The following PCDHA1 variants were observed in gnomAD, a reference collection of about 807,000 sequenced individuals.
PCDHA1 encodes protocadherin alpha-1.
A neutral mutation model predicts 61.3 loss-of-function variants in PCDHA1; 42 were observed. The observed-to-expected ratio is 0.69, with a 90% confidence interval of 0.54 to 0.89. The LOEUF (loss-of-function observed/expected upper bound fraction) is 0.89. Among genes scored for constraint, PCDHA1 ranks in the 40% least tolerant of loss-of-function variants. The pLI is 0.00. For synonymous variants in PCDHA1, 610 were observed against 553.8 expected (o/e 1.10, Z -1.43); for missense variants, 1,256 against 1,235.3 (o/e 1.02, Z -0.25).
chr5:140,882,656 C>G, intron 1 of PCDHA1: 2 of 1,614,192 alleles, frequency 1.2e-6, no homozygotes, highest in Middle Eastern at 1.6e-4. Flanking sequence ...TAACGACAAC[C>G]CGCCCATATT....
chr5:140,984,550 A>C (rs1486017679), intron 3 of PCDHA1, among the ~76,000 whole-genome samples: 1 of 152,134 alleles, frequency 6.6e-6, no homozygotes, highest in Non-Finnish European at 1.5e-5. Flanking sequence ...GATAGAGCTT[A>C]CATCTTCCAA....
intron 1 of PCDHA1, chr5:140,884,155 C>A (rs781815602): frequency 1.2e-6 from 2 of 1,613,430 alleles, no homozygotes; most frequent in Non-Finnish European, 1.7e-6. Flanking sequence ...TGTACACTGG[C>A]GAGATCAGCA....
intron 1 of PCDHA1, among the ~76,000 whole-genome samples, chr5:140,941,621 G>A (rs552509224): frequency 6.6e-6 from 1 of 151,808 alleles, no homozygotes; most frequent in South Asian, 2.1e-4. Context: ...AGCCCATCCT[G>A]CTTCTTAATT....
intron 1 of PCDHA1, chr5:140,929,684 A>C: frequency 3.4e-6 from 1 of 294,182 alleles, no homozygotes; most frequent in Non-Finnish European, 6.5e-6. Flanking sequence ...AATATGTAAG[A>C]GTCTGCTTTA....
chr5:140,810,168 T>A (rs964600024), intron 1 of PCDHA1: 1 of 152,318 alleles, frequency 6.6e-6, no homozygotes, highest in South Asian at 2.1e-4. Flanking sequence ...TGTTGTTATA[T>A]GTAGTTGTAG....
In PCDHA1 at chr5:141,011,249, G is replaced by A. The variant is rs1159894108; in HGVS notation, c.*1312G>A. The A allele has an allele frequency of 6.5e-6, 1 of 153,682 alleles. No homozygotes were observed. The highest frequency in any genetic ancestry group is 1.5e-5 in the Non-Finnish European group (1 of 68,038). The allele number at this position is 153,682 out of a possible 1,614,324, so 9.5% of individuals were successfully genotyped here. On this transcript the variant is annotated 3_prime_UTR_variant, in exon 4 of 4. Coordinates refer to ENST00000504120, the MANE Select transcript of PCDHA1 (RefSeq NM_018900.4). ...TACTAATTCTGTGACTTGTCTTGGT[G>A]TGCTAGCCTACACCTTCTCTTTGGT... is the stretch of plus-strand genomic sequence containing the variant.
Position 140,792,001 on chromosome 5 carries a change from C to G in PCDHA1, c.2394+3317C>G, listed in dbSNP as rs138843090. Among the ~76,000 whole-genome samples, 6 of 152,264 alleles carry G rather than the reference C, an allele frequency of 3.9e-5. No individual in the cohort carries two copies. In the East Asian group the frequency reaches 1.2e-3, roughly 29 times the overall value. On this transcript the variant is annotated intron_variant, in intron 1 of 3. Transcript: ENST00000504120. ...GGCTGATGCAACAAATTACCACAGA[C>G]TTGGTGGCTTGAAATAACAGAAATT...
chr5:140,873,706 G>T (rs1419666886), intron 1 of PCDHA1, among the ~76,000 whole-genome samples: 1 of 152,132 alleles, frequency 6.6e-6, no homozygotes, highest in Non-Finnish European at 1.5e-5. Context: ...TATCACCCAG[G>T]CTGGTGTGCA....
At chr5:140,862,490 G>A (rs1554156448) in intron 1 of PCDHA1, 5 of 385,338 alleles carry the variant, frequency 1.3e-5, no homozygotes, top group Non-Finnish European at 2.1e-5. Context: ...GTTGGTAATC[G>A]CTCGGAATGG....
chr5:140,980,030 C>T (rs552658283), intron 2 of PCDHA1, among the ~76,000 whole-genome samples: 29 of 152,292 alleles, frequency 1.9e-4, no homozygotes, highest in Admixed American at 4.6e-4. Flanking sequence ...GAAATCATTA[C>T]ATTGGGTGCT....
chr5:140,857,812 C>T lies in PCDHA1; in HGVS notation c.2394+69128C>T. ...TGCTGCGGTCGGTGGTTGCGGGTCACGTGGTGGCTAAGGTGCGCGCAGTGG... is the reference window on the plus strand; with the variant it reads ...TGCTGCGGTCGGTGGTTGCGGGTCATGTGGTGGCTAAGGTGCGCGCAGTGG... On this transcript the variant is annotated intron_variant, in intron 1 of 3. Transcript: ENST00000504120. 3.1e-6 allele frequency: 5 copies of T among 1,597,698 alleles called. 1 individual carries two copies. The highest frequency in any genetic ancestry group is 2.2e-5 in the East Asian group (1 of 44,814).
In PCDHA1 at chr5:140,910,096, C is replaced by G. The variant is rs1583731198; in HGVS notation, c.2395-68853C>G. On this transcript the variant is annotated intron_variant, in intron 1 of 3. Coordinates refer to ENST00000504120, the MANE Select transcript of PCDHA1 (RefSeq NM_018900.4). ...ATTGTTGTCAAGGGGAACCAGCCTCCCCTTCATTTAAGGGATTCTAGGTCT... is the reference window on the plus strand; with the variant it reads ...ATTGTTGTCAAGGGGAACCAGCCTCGCCTTCATTTAAGGGATTCTAGGTCT... Among the ~76,000 whole-genome samples the G allele has an allele frequency of 2.6e-5, 4 of 152,262 alleles. No individual in the cohort carries two copies. The East Asian group carries it at 7.7e-4, about 29-fold the overall frequency.
chr5:140,887,140 A>T (rs1414836088), intron 1 of PCDHA1, among the ~76,000 whole-genome samples: 3 of 150,560 alleles, frequency 2.0e-5, no homozygotes, highest in Non-Finnish European at 4.4e-5. Context: ...TCTGTCGCCC[A>T]GGCTGGAGTA....
intron 1 of PCDHA1, chr5:140,843,377 G>C (rs375387773): frequency 1.3e-6 from 2 of 1,596,146 alleles, no homozygotes; most frequent in Non-Finnish European, 1.7e-6. Flanking sequence ...GTCGGCTGGC[G>C]TTTTGGGTCC....
chr5:140,899,721 T>C (rs1415074846), intron 1 of PCDHA1, among the ~76,000 whole-genome samples: 1 of 152,250 alleles, frequency 6.6e-6, no homozygotes, highest in Non-Finnish European at 1.5e-5. Flanking sequence ...GATTCCCTCT[T>C]TTTCTATTGA....
At chr5:140,846,453 C>G (rs1465090766) in intron 1 of PCDHA1, among the ~76,000 whole-genome samples, 2 of 138,248 alleles carry the variant, frequency 1.4e-5, no homozygotes, top group Non-Finnish European at 3.1e-5. Flanking sequence ...CGGCTCACTG[C>G]AACCTCTGCC....
rs2150129510 is a variant in PCDHA1 at position 140,823,826 on chromosome 5, G to A, written c.2394+35142G>A. On this transcript the variant is annotated intron_variant, in intron 1 of 3. Transcript: ENST00000504120. ...AAGGCCTCATCGCGGGCGTCGGCGG[G>A]CGCTGTGGGTCCCGAGGCTGCCCTG... 66 of 1,613,702 alleles carry A rather than the reference G, an allele frequency of 4.1e-5. No individual in the cohort carries two copies. The highest frequency in any genetic ancestry group is 5.4e-5 in the Non-Finnish European group (64 of 1,179,920).
At position 140,979,365 on chromosome 5, in the gene PCDHA1, C is replaced by T. The variant is rs782063202; in HGVS notation, c.2453+358C>T. Among the ~76,000 whole-genome samples, 13 of 151,916 alleles carry T rather than the reference C, an allele frequency of 8.6e-5. 1 individual carries two copies. The highest frequency in any genetic ancestry group is 1.5e-5 in the Non-Finnish European group (1 of 67,992). On this transcript the variant is annotated intron_variant, in intron 2 of 3. Coordinates refer to ENST00000504120, the MANE Select transcript of PCDHA1 (RefSeq NM_018900.4). ...TGTAATTAATACTCATGCTTTGAGA[C>T]TTGGGTACATTGTGCAATGTATACA...
intron 1 of PCDHA1, chr5:140,850,688 G>C: frequency 1.3e-6 from 2 of 1,598,504 alleles, no homozygotes; most frequent in Non-Finnish European, 1.7e-6. Flanking sequence ...CCGAGGGCGA[G>C]TGCGCGCCTG....
Sources: allele counts gnomAD v4.1 joint callset (sites outside exome capture counted in the v4.1 genomes callset), GRCh38; gene constraint gnomAD v4.1.1; transcripts MANE v1.5; gene names NCBI Gene and HGNC (gene_info 2026-07-23, HGNC 2026-07-21).